The following PAQR3 variants were observed in gnomAD, a reference collection of about 807,000 sequenced individuals.
The protein encoded by PAQR3 is progestin and adipoQ receptor family member 3.
In PAQR3, 39 loss-of-function variants were observed where a neutral mutation model predicts 41.7. That is an observed-to-expected ratio of 0.93 (90% confidence interval 0.72 to 1.22). The LOEUF (loss-of-function observed/expected upper bound fraction) is 1.22. Ranked by LOEUF, PAQR3 falls within the 50% of genes most tolerant of loss-of-function variation. The pLI is 0.00. For synonymous variants in PAQR3, 140 were observed against 140.6 expected (o/e 1.00, Z 0.03); for missense variants, 366 against 385.6 (o/e 0.95, Z 0.42).
At chr4:78,911,333 T>C, downstream of PAQR3, 1 of 1,613,882 alleles carries the variant, frequency 6.2e-7, no homozygotes, top group East Asian at 2.2e-5. Context: ...CCCAAAAGTG[T>C]AGATGTATTT....
At chr4:78,911,837 C>A, downstream of PAQR3, 4 of 1,614,026 alleles carry the variant, frequency 2.5e-6, no homozygotes, top group Non-Finnish European at 3.4e-6. Flanking sequence ...GATCACAATA[C>A]TGTCCTGCCA....
intron 11 of PAQR3, among the ~76,000 whole-genome samples, chr4:78,893,250 G>C (rs1191900984): frequency 2.0e-5 from 3 of 152,194 alleles, no homozygotes; most frequent in Non-Finnish European, 4.4e-5. Context: ...CTCCTCATCT[G>C]TTCCAGTTTG....
At chr4:78,931,055 A>G (rs1025841309) in intron 2 of PAQR3, among the ~76,000 whole-genome samples, 3 of 151,852 alleles carry the variant, frequency 2.0e-5, no homozygotes, top group African/African-American at 7.3e-5. Flanking sequence ...TATTGCCTTC[A>G]AGAAAAAACA....
chr4:78,911,751 C>T (rs998544584), downstream of PAQR3: 2 of 1,613,854 alleles, frequency 1.2e-6, no homozygotes, highest in African/African-American at 2.7e-5. Context: ...TGTTGGACCC[C>T]TTCGGTGCCA....
At position 78,902,422 on chromosome 4, in the gene PAQR3, C is replaced by T. The variant is rs530821490; in HGVS notation, c.*836+3686G>A. On this transcript the variant is annotated intron_variant and NMD_transcript_variant, in intron 11 of 12. Coordinates refer to the PAQR3 transcript ENST00000342820. ...TACTCAAACCCTGTCACTTGGCCTGCCTTCTGAGAAGCAGTACAGATTTGA... is the reference window on the plus strand; with the variant it reads ...TACTCAAACCCTGTCACTTGGCCTGTCTTCTGAGAAGCAGTACAGATTTGA... 4.0e-5 allele frequency among the ~76,000 whole-genome samples: 6 copies of T among 149,726 alleles called. No homozygotes were observed. In the South Asian group the frequency reaches 6.3e-4, roughly 16 times the overall value.
At chr4:78,904,549 C>T (rs777821168) in intron 11 of PAQR3, among the ~76,000 whole-genome samples, 7 of 151,850 alleles carry the variant, frequency 4.6e-5, no homozygotes, top group African/African-American at 1.4e-4. Flanking sequence ...TAATAAATTA[C>T]CCAGATCTGC....
intron 11 of PAQR3, among the ~76,000 whole-genome samples, chr4:78,888,818 T>C (rs539078336): frequency 1.3e-5 from 2 of 152,314 alleles, no homozygotes; most frequent in African/African-American, 4.8e-5. Flanking sequence ...TCCTGCCCAG[T>C]ATACAACCCA....
rs544112613 is a variant in PAQR3, at chr4:78,914,188, A to T, written c.*6351T>A. ...TAGAAAAGGGGTAGAGGATGAACTA[A>T]TGTCTCCTTCAGATGTAAACATGAA... On this transcript the variant is annotated 3_prime_UTR_variant, in exon 6 of 6. Transcript: ENST00000512733. 6.6e-6 allele frequency: 1 copy of T among 152,152 alleles called. No individual in the cohort carries two copies. The highest frequency in any genetic ancestry group is 2.4e-5 in the African/African-American group (1 of 41,552). 9.4% of individuals were successfully genotyped at this position (152,152 alleles called of 1,614,324 possible).
At position 78,920,584 on chromosome 4, in the gene PAQR3, C is replaced by A; in HGVS notation, c.891G>T (p.Gln297His). The A allele has an allele frequency of 6.2e-7, 1 of 1,611,724 alleles. No individual in the cohort carries two copies. The highest frequency in any genetic ancestry group is 8.5e-7 in the Non-Finnish European group (1 of 1,178,512). Residue 297 changes from glutamine (Q) to histidine (H), a missense_variant, in exon 6 of 6, where the codon CAG (glutamine) becomes CAT (histidine). Physicochemically the swap from Gln to His is conservative, Grantham distance 24. Coordinates refer to ENST00000512733, the MANE Select transcript of PAQR3 (RefSeq NM_001040202.2). ...WWHQSTVYVM[Q>H]YRHSKPCPDY... ...CAGGACAAGGCTTGCTATGTCTGTA[C>A]TGCATGACATACACTGTTGACTGAT...
At chr4:78,937,046 C>CA (rs1737501632) in intron 1 of PAQR3, among the ~76,000 whole-genome samples, 1 of 152,186 alleles carries the variant, frequency 6.6e-6, no homozygotes, top group African/African-American at 2.4e-5. Flanking sequence ...CACCTGACAG[C>CA]AGTATCTTAA....
intron 11 of PAQR3, among the ~76,000 whole-genome samples, chr4:78,899,902 G>A (rs1733905342): frequency 6.6e-6 from 1 of 152,126 alleles, no homozygotes; most frequent in African/African-American, 2.4e-5. Context: ...GAGAAAGGTA[G>A]GTAGGTAAGG....
rs1275047 is a variant in PAQR3, at chr4:78,917,608, A to C, written c.*2931T>G. 0.77 allele frequency: 126,123 copies of C among 163,634 alleles called. 48,791 individuals carry two copies. The highest frequency in any genetic ancestry group is 0.81 in the Non-Finnish European group (63,666 of 78,736). 10.1% of individuals were successfully genotyped at this position (163,634 alleles called of 1,614,324 possible). ...TACCCCTTCTCTAATAGGTGAGCTG[A>C]TTCTTTACACACTTGGGCAGAAGTA... On this transcript the variant is annotated 3_prime_UTR_variant, in exon 6 of 6. Transcript: ENST00000512733.
intron 5 of PAQR3, among the ~76,000 whole-genome samples, chr4:78,923,152 C>A (rs918787780): frequency 6.7e-6 from 1 of 150,260 alleles, no homozygotes; most frequent in South Asian, 2.1e-4. Flanking sequence ...GTGAAGTGAT[C>A]CTACATCTCA....
chr4:78,924,455 G>C (rs1178117100), intron 4 of PAQR3, among the ~76,000 whole-genome samples: 3 of 152,062 alleles, frequency 2.0e-5, no homozygotes, highest in Non-Finnish European at 4.4e-5. Context: ...TATACATATT[G>C]TTCCTAATAC....
chr4:78,932,853 T>C (rs995100844), intron 2 of PAQR3, among the ~76,000 whole-genome samples: 2 of 152,172 alleles, frequency 1.3e-5, no homozygotes, highest in Non-Finnish European at 2.9e-5. Flanking sequence ...AGTTTAAAAA[T>C]GGACTGAAAG....
chr4:78,896,748 T>C (rs1733724545), intron 11 of PAQR3, among the ~76,000 whole-genome samples: 1 of 152,240 alleles, frequency 6.6e-6, no homozygotes, highest in African/African-American at 2.4e-5. Flanking sequence ...TATCACAATA[T>C]TTCTTTGCTG....
chr4:78,933,108 C>G (rs115939266), intron 2 of PAQR3: 1 of 453,956 alleles, frequency 2.2e-6, no homozygotes, highest in South Asian at 1.6e-5. Context: ...GAAAGTGTGT[C>G]TTGCTTCTTT....
chr4:78,922,555 A>C, intron 5 of PAQR3: 1 of 701,614 alleles, frequency 1.4e-6, no homozygotes, highest in Non-Finnish European at 2.2e-6. Context: ...GCCAAAACTT[A>C]CCTGGATTTG....
Position 78,924,402 on chromosome 4 carries a change from G to C in PAQR3, c.703-455C>G, listed in dbSNP as rs139224715. 4.0e-4 allele frequency among the ~76,000 whole-genome samples: 61 copies of C among 152,232 alleles called. 1 individual carries two copies. The East Asian group carries it at 8.1e-3, about 20-fold the overall frequency. ...TTTGTCTCACTGCTGACACAGTATT[G>C]AGAAGACTTTCCTGGCCCTGAGAAA... On this transcript the variant is annotated intron_variant, in intron 4 of 5. Transcript: ENST00000512733.
Sources: gnomAD v4.1 joint callset for allele counts (sites outside exome capture counted in the v4.1 genomes callset) on GRCh38, gnomAD v4.1.1 for gene constraint, MANE v1.5 for transcripts, NCBI Gene and HGNC (gene_info 2026-07-23, HGNC 2026-07-21) for gene names.